Variants in FAM3C observed in about 807,000 individuals in gnomAD.
The protein encoded by FAM3C is protein FAM3C.
In FAM3C, 15 loss-of-function variants were observed where a neutral mutation model predicts 32.5. That is an observed-to-expected ratio of 0.46 (90% CI 0.31 to 0.71). The LOEUF is 0.71. FAM3C is among the 30% of genes least tolerant of loss of function. The pLI is 0.05. For synonymous variants in FAM3C, 75 were observed against 86.1 expected, an observed-to-expected ratio of 0.87 and a Z score of 0.72; for missense variants, 175 against 274.4, an observed-to-expected ratio of 0.64 and a Z score of 2.56.
intron 1 of FAM3C, among the ~76,000 whole-genome samples, chr7:121,388,650 TG>T (rs1225732329): frequency 3.3e-5 from 5 of 152,180 alleles, no homozygotes; most frequent in African/African-American, 1.2e-4. Flanking sequence ...AGAATACAGA[TG>T]ATCTATGCCT....
At chr7:121,381,347 A>G (rs910005582) in intron 2 of FAM3C, among the ~76,000 whole-genome samples, 6 of 152,200 alleles carry the variant, frequency 3.9e-5, no homozygotes, top group Non-Finnish European at 7.3e-5. Flanking sequence ...ATTAGTTAAA[A>G]GCAATAAATT....
At chr7:121,370,231 G>A (rs1272917811) in intron 5 of FAM3C, among the ~76,000 whole-genome samples, 3 of 152,094 alleles carry the variant, frequency 2.0e-5, no homozygotes, top group African/African-American at 4.8e-5. Context: ...ATTAGAATAC[G>A]GGAAAATAAA....
intron 8 of FAM3C, 93 bp downstream of exon 8, chr7:121,359,950 T>C: frequency 1.4e-6 from 1 of 726,926 alleles, no homozygotes; most frequent in Non-Finnish European, 2.4e-6. Flanking sequence ...GTTTGATTAC[T>C]TTGCTCTATG....
Position 121,377,178 on chromosome 7 carries a change from CA to C in FAM3C, c.118+1731del, listed in dbSNP as rs376649161. On this transcript the variant is annotated intron_variant, in intron 3 of 9. Coordinates refer to ENST00000359943, the MANE Select transcript of FAM3C (RefSeq NM_014888.3). ...GGGACTTTCCCCTCGCTTCACTCTG[CA>C]CTTCTCCTTTCTGCCACCAAGAATA... 2.9e-3 allele frequency among the ~76,000 whole-genome samples: 449 copies of C among 152,266 alleles called. 4 individuals carry two copies. Among genetic ancestry groups the C allele is most frequent in the African/African-American group, 0.01 (431 of 41,540 alleles).
chr7:121,387,011 G>C (rs1794478566), intron 1 of FAM3C, among the ~76,000 whole-genome samples: 1 of 152,054 alleles, frequency 6.6e-6, no homozygotes, highest in Non-Finnish European at 1.5e-5. Context: ...GGGCCAGATG[G>C]TAAATATTTT....
At chr7:121,369,393 T>A (rs540496092) in intron 5 of FAM3C, among the ~76,000 whole-genome samples, 4 of 152,294 alleles carry the variant, frequency 2.6e-5, no homozygotes, top group African/African-American at 9.6e-5. Context: ...AACAGGTGAA[T>A]AAATGACTCT....
In FAM3C at chr7:121,380,780, T is replaced by C. The variant is rs1794334582; in HGVS notation, c.14-1766A>G. Among the ~76,000 whole-genome samples, 4 of 144,782 alleles carry C rather than the reference T, an allele frequency of 2.8e-5. No individual in the cohort carries two copies. The South Asian group carries it at 8.6e-4, about 31-fold the overall frequency. The allele number at this position is 144,782 out of a possible 152,430, so 95.0% of individuals were successfully genotyped here. On this transcript the variant is annotated intron_variant, in intron 2 of 9. Transcript: ENST00000359943. ...ATGACACTCACATATACCGTTTACTTAGTGTCTTCTGTAGAACTAAATGCT... is the reference window on the plus strand; with the variant it reads ...ATGACACTCACATATACCGTTTACTCAGTGTCTTCTGTAGAACTAAATGCT...
chr7:121,367,958 CCT>C (rs1794056856), intron 5 of FAM3C, among the ~76,000 whole-genome samples: 1 of 151,628 alleles, frequency 6.6e-6, no homozygotes, highest in African/African-American at 2.4e-5. Flanking sequence ...AGAATGAGAC[CCT>C]GTCTCTAGGT....
intron 8 of FAM3C, among the ~76,000 whole-genome samples, chr7:121,358,469 C>T (rs1426463322): frequency 6.6e-6 from 1 of 151,906 alleles, no homozygotes; most frequent in African/African-American, 2.4e-5. Flanking sequence ...GAAAGAAGAA[C>T]ATTAAAGGGG....
At chr7:121,371,458 A>G (rs1378554216) in intron 4 of FAM3C, 35 bp from the exon 5 acceptor site, 1 of 1,608,480 alleles carries the variant, frequency 6.2e-7, no homozygotes, top group Non-Finnish European at 8.5e-7. Flanking sequence ...TTTTTTTAGA[A>G]AACAAGTTAA....
chr7:121,376,448 A>G (rs1050124368), intron 3 of FAM3C, among the ~76,000 whole-genome samples: 1 of 152,226 alleles, frequency 6.6e-6, no homozygotes, highest in African/African-American at 2.4e-5. Context: ...AAAAGGCAGA[A>G]TTCAGTGCAG....
chr7:121,359,108 G>A (rs1793872600), intron 8 of FAM3C, among the ~76,000 whole-genome samples: 1 of 151,048 alleles, frequency 6.6e-6, no homozygotes. Context: ...TGGAACTTCT[G>A]AGAAAAATAT....
intron 5 of FAM3C, among the ~76,000 whole-genome samples, chr7:121,365,091 AACT>A (rs1793999811): frequency 6.6e-6 from 1 of 152,098 alleles, no homozygotes; most frequent in Non-Finnish European, 1.5e-5. Flanking sequence ...ATTTATTATA[AACT>A]ACTAAAAGAT....
chr7:121,383,035 A>G (rs1262569308), intron 1 of FAM3C, 25 bp from the exon 2 acceptor site: 66 of 1,295,016 alleles, frequency 5.1e-5, no homozygotes, highest in Non-Finnish European at 6.5e-5. Context: ...CAAAAAGCAA[A>G]TATCATTAGC....
At chr7:121,360,201 T>G (rs1793891906) in intron 7 of FAM3C, 74 bp from the exon 8 acceptor site, 1 of 781,518 alleles carries the variant, frequency 1.3e-6, no homozygotes, top group African/African-American at 1.7e-5. Flanking sequence ...GAAAGTAGTA[T>G]TATAAAACAT....
intron 8 of FAM3C, among the ~76,000 whole-genome samples, chr7:121,359,443 T>C (rs1243585419): frequency 1.3e-5 from 2 of 152,084 alleles, no homozygotes; most frequent in African/African-American, 4.8e-5. Flanking sequence ...ACTAGCATTC[T>C]AAATATTTAA....
At chr7:121,364,333 C>T (rs1793983233) in intron 5 of FAM3C, 145 bp from the exon 6 acceptor site, 1 of 610,032 alleles carries the variant, frequency 1.6e-6, no homozygotes, top group East Asian at 2.8e-5. Context: ...AAGATCTCTA[C>T]TAAGTCAGAG....
At chr7:121,383,699 T>C (rs1794406874) in intron 1 of FAM3C, among the ~76,000 whole-genome samples, 1 of 152,162 alleles carries the variant, frequency 6.6e-6, no homozygotes, top group African/African-American at 2.4e-5. Context: ...AGGAAACAGA[T>C]GCTGGAAAAA....
chr7:121,379,760 A>T (rs1245722663), intron 2 of FAM3C, among the ~76,000 whole-genome samples: 1 of 152,194 alleles, frequency 6.6e-6, no homozygotes, highest in Non-Finnish European at 1.5e-5. Context: ...TGATAACTAC[A>T]TGGGGAGCGG....
Sources: gnomAD v4.1 joint callset for allele counts (sites outside exome capture counted in the v4.1 genomes callset) on GRCh38, gnomAD v4.1.1 for gene constraint, MANE v1.5 for transcripts, NCBI Gene and HGNC (gene_info 2026-07-23, HGNC 2026-07-21) for gene names.